Variants in SULF1 observed in about 807,000 individuals in gnomAD.
The protein encoded by SULF1 is extracellular sulfatase Sulf-1.
A neutral mutation model predicts 110.5 loss-of-function variants in SULF1; 46 were observed. The observed-to-expected ratio is 0.42, with a 90% CI of 0.33 to 0.53. The LOEUF is 0.53. Ranked by LOEUF, SULF1 falls within the 20% of genes least tolerant of loss-of-function variation. The pLI is 0.12. For synonymous variants in SULF1, 371 were observed against 387.1 expected (o/e 0.96, Z 0.49); for missense variants, 941 against 1,094.2 (o/e 0.86, Z 1.98).
chr8:69,591,309 C>A (rs546916949), intron 8 of SULF1, among the ~76,000 whole-genome samples: 2 of 152,068 alleles, frequency 1.3e-5, no homozygotes, highest in East Asian at 3.9e-4. Flanking sequence ...AATCTCAGCA[C>A]TTTGGGAGGC....
chr8:69,643,230 G>T (rs960379023), intron 22 of SULF1, among the ~76,000 whole-genome samples: 3 of 152,158 alleles, frequency 2.0e-5, no homozygotes, highest in Non-Finnish European at 2.9e-5. Context: ...GTTTGATGTG[G>T]CCTTACCTGC....
chr8:69,484,809 G>A (rs1031942920), intron 1 of SULF1, among the ~76,000 whole-genome samples: 2 of 137,804 alleles, frequency 1.5e-5, no homozygotes, highest in East Asian at 2.0e-4. Context: ...AGGATATACA[G>A]CTTGCTTTCA....
At chr8:69,603,772 A>G in intron 12 of SULF1, 116 bp downstream of exon 12, 1 of 740,936 alleles carries the variant, frequency 1.3e-6, no homozygotes. Context: ...TCGTAAACCT[A>G]GTCACAAGAT....
At chr8:69,575,714 G>T (rs985243867) in intron 5 of SULF1, among the ~76,000 whole-genome samples, 3 of 152,040 alleles carry the variant, frequency 2.0e-5, no homozygotes, top group Admixed American at 6.6e-5. Flanking sequence ...TTAATTATCA[G>T]ATTAGCCTGC....
At chr8:69,645,227 C>T (rs1426832665) in intron 22 of SULF1, among the ~76,000 whole-genome samples, 1 of 152,172 alleles carries the variant, frequency 6.6e-6, no homozygotes, top group Non-Finnish European at 1.5e-5. Context: ...AGGTTAAGGT[C>T]AGACTTGGGT....
rs576643745 is a variant in SULF1, at chr8:69,613,967, A to T, written c.1378-7068A>T. Among the ~76,000 whole-genome samples, 61 of 152,120 alleles carry T rather than the reference A, an allele frequency of 4.0e-4. 1 individual carries two copies. Among genetic ancestry groups the T allele is most frequent in the Middle Eastern group, 3.4e-3 (1 of 294 alleles). On this transcript the variant is annotated intron_variant, in intron 13 of 22. Transcript: ENST00000402687. ...AGCCATAGAGTTAGCAGCAAAAAAAAAAAAATAATAAAATTAAGGTCTTTG... is the reference window on the plus strand; with the variant it reads ...AGCCATAGAGTTAGCAGCAAAAAAATAAAAATAATAAAATTAAGGTCTTTG...
chr8:69,475,160 G>A (rs1254758410), intron 1 of SULF1, among the ~76,000 whole-genome samples: 1 of 152,132 alleles, frequency 6.6e-6, no homozygotes, highest in African/African-American at 2.4e-5. Flanking sequence ...ATCCTCTCTT[G>A]CCTCTGCTCT....
At chr8:69,608,337 C>G (rs1344562277) in intron 13 of SULF1, among the ~76,000 whole-genome samples, 4 of 152,144 alleles carry the variant, frequency 2.6e-5, no homozygotes, top group African/African-American at 7.2e-5. Context: ...TATTATTATT[C>G]CAAGCCATCT....
At chr8:69,561,807 G>A (rs1308643361) in intron 3 of SULF1, among the ~76,000 whole-genome samples, 1 of 152,194 alleles carries the variant, frequency 6.6e-6, no homozygotes, top group African/African-American at 2.4e-5. Context: ...CCTGACCCAT[G>A]CTTTGTGAGA....
At chr8:69,527,246 T>C (rs1812763456) in intron 3 of SULF1, among the ~76,000 whole-genome samples, 1 of 152,052 alleles carries the variant, frequency 6.6e-6, no homozygotes, top group African/African-American at 2.4e-5. Context: ...AACCATATTA[T>C]CAATCTGTAA....
intron 1 of SULF1, among the ~76,000 whole-genome samples, chr8:69,468,494 A>T (rs1808950376): frequency 6.6e-6 from 1 of 152,130 alleles, no homozygotes; most frequent in South Asian, 2.1e-4. Context: ...ATACTCTCAA[A>T]CTTCTCCTTC....
intron 8 of SULF1, among the ~76,000 whole-genome samples, chr8:69,598,625 C>T (rs1183527322): frequency 6.6e-6 from 1 of 152,188 alleles, no homozygotes; most frequent in Non-Finnish European, 1.5e-5. Flanking sequence ...CTCCTGACCT[C>T]AGGTGATTCA....
chr8:69,641,749 AT>A (rs1192161426), intron 22 of SULF1, among the ~76,000 whole-genome samples: 1 of 152,028 alleles, frequency 6.6e-6, no homozygotes, highest in Non-Finnish European at 1.5e-5. Flanking sequence ...GTCTCTAAAA[AT>A]AAATAAATAA....
intron 3 of SULF1, among the ~76,000 whole-genome samples, chr8:69,562,419 T>C (rs12335197): frequency 0.025 from 3,787 of 152,326 alleles, 156 homozygotes; most frequent in African/African-American, 0.086. Flanking sequence ...TGCCAGTTTA[T>C]TGTTGCAGAT....
rs1037766943 is a variant in SULF1 at position 69,532,522 on chromosome 8, C to G, written c.-134+30554C>G. 2.6e-5 allele frequency among the ~76,000 whole-genome samples: 4 copies of G among 152,122 alleles called. No individual in the cohort carries two copies. In the East Asian group the frequency reaches 5.8e-4, roughly 22 times the overall value. On this transcript the variant is annotated intron_variant, in intron 3 of 22. Transcript: ENST00000402687. The stretch of plus-strand genomic sequence containing the variant: ...TTAATAACTGTTAGAAAGGTCTGCT[C>G]AAACACAGAAAGGAGCTAGTGTTTT...
At chr8:69,580,052 G>A (rs1805954632) in intron 6 of SULF1, among the ~76,000 whole-genome samples, 2 of 152,132 alleles carry the variant, frequency 1.3e-5, no homozygotes, top group South Asian at 2.1e-4. Flanking sequence ...GGATTTAAAT[G>A]AGTTGAATTA....
At chr8:69,600,296 C>T (rs888853461) in intron 8 of SULF1, among the ~76,000 whole-genome samples, 1 of 151,958 alleles carries the variant, frequency 6.6e-6, no homozygotes, top group African/African-American at 2.4e-5. Flanking sequence ...TGTAACATAA[C>T]CATAATCATC....
chr8:69,616,546 C>T (rs1227753165), intron 13 of SULF1, among the ~76,000 whole-genome samples: 13 of 151,950 alleles, frequency 8.6e-5, no homozygotes, highest in African/African-American at 2.4e-4. Flanking sequence ...GGACTATAGG[C>T]GTGTGCCACC....
intron 13 of SULF1, among the ~76,000 whole-genome samples, chr8:69,609,527 A>T (rs1273697120): frequency 6.6e-6 from 1 of 152,232 alleles, no homozygotes; most frequent in African/African-American, 2.4e-5. Context: ...TCAAAGTTTG[A>T]AGGAATCTTA....
Sources: gnomAD v4.1 joint callset for allele counts (sites outside exome capture counted in the v4.1 genomes callset) on GRCh38, gnomAD v4.1.1 for gene constraint, MANE v1.5 for transcripts, NCBI Gene and HGNC (gene_info 2026-07-23, HGNC 2026-07-21) for gene names.